The following ABLIM1 variants were observed in gnomAD, a reference collection of about 807,000 sequenced individuals.
The protein encoded by ABLIM1 is actin binding LIM protein 1.
A neutral mutation model predicts 107.0 loss-of-function variants in ABLIM1; 40 were observed. The ratio of observed to expected loss-of-function variants is 0.37; its 90% CI spans 0.29 to 0.49. The LOEUF is 0.49. ABLIM1 is among the 20% of genes least tolerant of loss of function. ABLIM1 has a pLI of 0.97. For synonymous variants in ABLIM1, 357 were observed against 357.3 expected (o/e 1.00, Z 0.01); for missense variants, 857 against 1,008.5 (o/e 0.85, Z 2.04).
exon 1 of ABLIM1, chr10:114,684,410 C>G (rs561105049): frequency 1.2e-6 from 2 of 1,611,448 alleles, no homozygotes; most frequent in East Asian, 2.2e-5. Context: ...CACAGAAAGG[C>G]TGCAACACTC....
chr10:114,691,321 GA>G, intron 1 of ABLIM1, among the ~76,000 whole-genome samples: 1 of 152,128 alleles, frequency 6.6e-6, no homozygotes, highest in East Asian at 1.9e-4. Context: ...TTATTTGCAT[GA>G]ATTTTTTTCA....
chr10:114,700,737 G>GAA (rs549588412), intron 1 of ABLIM1, among the ~76,000 whole-genome samples: 20 of 145,954 alleles, frequency 1.4e-4, no homozygotes, highest in African/African-American at 4.5e-4. Flanking sequence ...ATATCCCTGT[G>GAA]AAAAAAAAAA....
intron 1 of ABLIM1, among the ~76,000 whole-genome samples, chr10:114,617,592 G>C (rs183010221): frequency 1.3e-5 from 2 of 152,146 alleles, no homozygotes; most frequent in East Asian, 3.9e-4. Flanking sequence ...TCTTAGTCCT[G>C]TTTTATCTGC....
rs1214200879 is a variant in ABLIM1, at chr10:114,503,185, T to G, written c.895-11307A>C. 2.6e-5 allele frequency among the ~76,000 whole-genome samples: 4 copies of G among 152,216 alleles called. No individual in the cohort carries two copies. The East Asian group carries it at 7.7e-4, about 29-fold the overall frequency. Reference sequence around the variant, plus strand: ...ATTTTGGCTGCTTTTCTGGGCATGGTGCCTCATGCCTTGGCAGCAATTTGG... The same window carrying G: ...ATTTTGGCTGCTTTTCTGGGCATGGGGCCTCATGCCTTGGCAGCAATTTGG... On this transcript the variant is annotated intron_variant, in intron 6 of 22. Transcript: ENST00000533213.
At chr10:114,536,843 A>G (rs899418600) in intron 6 of ABLIM1, among the ~76,000 whole-genome samples, 10 of 152,152 alleles carry the variant, frequency 6.6e-5, no homozygotes, top group African/African-American at 2.4e-4. Flanking sequence ...CAAACTTGAG[A>G]CAGCATCATC....
At chr10:114,673,577 C>G (rs143300111) in intron 1 of ABLIM1, among the ~76,000 whole-genome samples, 1 of 152,196 alleles carries the variant, frequency 6.6e-6, no homozygotes, top group Non-Finnish European at 1.5e-5. Flanking sequence ...CCCAACCCCA[C>G]CACACACACT....
intron 8 of ABLIM1, among the ~76,000 whole-genome samples, chr10:114,477,792 T>TGGCTTCACTGCAACCTC (rs2056706969): frequency 6.6e-6 from 1 of 152,166 alleles, no homozygotes; most frequent in African/African-American, 2.4e-5. Flanking sequence ...GGCATGATCT[T>TGGCTTCACTGCAACCTC]GGCTTCACTG....
At chr10:114,744,211 T>C (rs557210393) in intron 1 of ABLIM1, among the ~76,000 whole-genome samples, 111 of 152,306 alleles carry the variant, frequency 7.3e-4, no homozygotes, top group African/African-American at 1.9e-3. Context: ...CTTAGTTAGA[T>C]TGGATTCAAG....
At chr10:114,519,189 A>G (rs1365040661) in intron 6 of ABLIM1, among the ~76,000 whole-genome samples, 2 of 152,168 alleles carry the variant, frequency 1.3e-5, no homozygotes, top group Non-Finnish European at 2.9e-5. Flanking sequence ...CTTTTGCCTT[A>G]CTAACCAATG....
intron 1 of ABLIM1, among the ~76,000 whole-genome samples, chr10:114,681,282 G>A (rs1016935418): frequency 3.3e-5 from 5 of 152,110 alleles, no homozygotes; most frequent in East Asian, 1.9e-4. Context: ...CGCAACCTCC[G>A]CCTCTTGGGT....
intron 6 of ABLIM1, among the ~76,000 whole-genome samples, chr10:114,534,644 C>T (rs1186540010): frequency 6.6e-6 from 1 of 152,094 alleles, no homozygotes; most frequent in Non-Finnish European, 1.5e-5. Flanking sequence ...GCCGCCACCC[C>T]GCCGCATGTG....
rs150119697 is a variant in ABLIM1, at chr10:114,691,354, G to A, written c.-213+76707C>T. Among the ~76,000 whole-genome samples, 98 of 152,212 alleles carry A rather than the reference G, an allele frequency of 6.4e-4. 1 individual carries two copies. Among genetic ancestry groups the A allele is most frequent in the Admixed American group, 2.2e-3 (34 of 15,282 alleles). The stretch of plus-strand genomic sequence containing the variant: ...TTCATATAAACGAATAACTAGAAGC[G>A]GAATGCACTTAGTGGTATCCATAAA... On this transcript the variant is annotated intron_variant, in intron 1 of 15. Transcript: ENST00000651092.
intron 2 of ABLIM1, among the ~76,000 whole-genome samples, chr10:114,596,391 T>C (rs188173564): frequency 7.5e-4 from 114 of 152,270 alleles, no homozygotes; most frequent in African/African-American, 2.7e-3. Context: ...CTGCATGGAG[T>C]ATGTGTTCAA....
chr10:114,670,583 T>C (rs1445262619), intron 1 of ABLIM1, among the ~76,000 whole-genome samples: 1 of 152,176 alleles, frequency 6.6e-6, no homozygotes, highest in African/African-American at 2.4e-5. Flanking sequence ...AACCTCCGAC[T>C]CCCGGCTCAA....
At chr10:114,461,398 T>G (rs76810607) in intron 12 of ABLIM1, among the ~76,000 whole-genome samples, 4 of 144,888 alleles carry the variant, frequency 2.8e-5, no homozygotes, top group Non-Finnish European at 3.0e-5. Context: ...GAAGGGTTTT[T>G]TTTTTTTTTT....
chr10:114,467,155 T>C (rs2065349509), intron 11 of ABLIM1, among the ~76,000 whole-genome samples: 1 of 151,524 alleles, frequency 6.6e-6, no homozygotes. Flanking sequence ...TGAGACTCTG[T>C]CTCAAAAAAA....
At chr10:114,738,087 C>A (rs1052334975) in intron 1 of ABLIM1, among the ~76,000 whole-genome samples, 1 of 152,144 alleles carries the variant, frequency 6.6e-6, no homozygotes, top group South Asian at 2.1e-4. Context: ...CTCACTCTGT[C>A]GCCCAGACTG....
At chr10:114,662,765 T>G (rs557881379), upstream of ABLIM1, among the ~76,000 whole-genome samples, 1 of 152,304 alleles carries the variant, frequency 6.6e-6, no homozygotes, top group African/African-American at 2.4e-5. Context: ...CTGCTGAGCA[T>G]TCAGGATTGA....
intron 1 of ABLIM1, among the ~76,000 whole-genome samples, chr10:114,740,169 A>G (rs2082258303): frequency 6.6e-6 from 1 of 152,130 alleles, no homozygotes; most frequent in African/African-American, 2.4e-5. Context: ...ATAGTTTAAC[A>G]TGCATTGACC....
Sources: allele counts gnomAD v4.1 joint callset (sites outside exome capture counted in the v4.1 genomes callset), GRCh38; gene constraint gnomAD v4.1.1; transcripts MANE v1.5; gene names NCBI Gene and HGNC (gene_info 2026-07-23, HGNC 2026-07-21).